The following LSAMP variants were observed in gnomAD, a reference collection of about 807,000 sequenced individuals.
LSAMP encodes the protein limbic system associated membrane protein.
Under a neutral mutation model 38.6 loss-of-function variants are expected in LSAMP, and 7 were observed. The observed-to-expected ratio is 0.18, with a 90% CI of 0.10 to 0.34. The LOEUF is 0.34. Among genes scored for constraint, LSAMP ranks in the 10% least tolerant of loss-of-function variants. LSAMP has a pLI of 1.00. For synonymous variants in LSAMP, 154 were observed against 166.8 expected, an observed-to-expected ratio of 0.92 and a Z score of 0.59; for missense variants, 313 against 420.0, an observed-to-expected ratio of 0.75 and a Z score of 2.23.
intron 1 of LSAMP, among the ~76,000 whole-genome samples, chr3:116,370,734 G>T (rs1446259245): frequency 6.6e-6 from 1 of 152,040 alleles, no homozygotes; most frequent in African/African-American, 2.4e-5. Flanking sequence ...TCCCCTCACG[G>T]GTGCAAGCTG....
intron 3 of LSAMP, among the ~76,000 whole-genome samples, chr3:115,922,577 A>G (rs1414947558): frequency 2.0e-5 from 3 of 151,910 alleles, no homozygotes; most frequent in Non-Finnish European, 4.4e-5. Flanking sequence ...GAAGATTTAT[A>G]TTGTTTCTTT....
intron 6 of LSAMP, chr3:115,816,540 A>G: frequency 3.5e-6 from 3 of 850,592 alleles, no homozygotes; most frequent in Non-Finnish European, 5.0e-6. Flanking sequence ...AAACTCAAGT[A>G]TATAAGACAA....
At chr3:115,985,007 G>T (rs1019294195) in intron 3 of LSAMP, among the ~76,000 whole-genome samples, 5 of 152,160 alleles carry the variant, frequency 3.3e-5, no homozygotes, top group Non-Finnish European at 1.5e-5. Flanking sequence ...GGGTCAGATT[G>T]TAAAGGGCCT....
At chr3:116,045,409 A>C (rs1576329847) in intron 2 of LSAMP, among the ~76,000 whole-genome samples, 1 of 152,264 alleles carries the variant, frequency 6.6e-6, no homozygotes, top group East Asian at 1.9e-4. Flanking sequence ...GTAGGGAATG[A>C]AGGCAGTAGT....
chr3:116,196,358 A>G (rs1272488775), intron 1 of LSAMP, among the ~76,000 whole-genome samples: 1 of 152,160 alleles, frequency 6.6e-6, no homozygotes, highest in South Asian at 2.1e-4. Flanking sequence ...TATTCACAGA[A>G]CCTAATACAG....
chr3:116,017,334 A>G (rs1559921681), intron 3 of LSAMP, among the ~76,000 whole-genome samples: 2 of 152,136 alleles, frequency 1.3e-5, no homozygotes, highest in Admixed American at 1.3e-4. Flanking sequence ...TCATTATTTG[A>G]TTATAACTTG....
intron 3 of LSAMP, among the ~76,000 whole-genome samples, chr3:115,958,639 C>T (rs1483721362): frequency 3.9e-5 from 6 of 152,094 alleles, no homozygotes; most frequent in South Asian, 4.2e-4. Flanking sequence ...GTTGCTTAGC[C>T]CACTGAACCC....
chr3:116,184,084 A>T (rs1710553162), intron 1 of LSAMP, among the ~76,000 whole-genome samples: 1 of 151,884 alleles, frequency 6.6e-6, no homozygotes, highest in South Asian at 2.1e-4. Flanking sequence ...CAGAAAGTAG[A>T]ATCTGGGAGA....
At chr3:115,982,810 T>C (rs1217050664) in intron 3 of LSAMP, among the ~76,000 whole-genome samples, 2 of 152,088 alleles carry the variant, frequency 1.3e-5, no homozygotes, top group African/African-American at 2.4e-5. Context: ...TTATTTTTAT[T>C]TTTAATCACT....
chr3:116,435,195 T>C (rs2049333713), intron 1 of LSAMP, among the ~76,000 whole-genome samples: 1 of 152,158 alleles, frequency 6.6e-6, no homozygotes, highest in Non-Finnish European at 1.5e-5. Context: ...ACTATAGCTT[T>C]GGTACAGAGC....
intron 1 of LSAMP, among the ~76,000 whole-genome samples, chr3:116,390,132 T>TACACACACACACAC (rs10661312): frequency 4.8e-5 from 7 of 147,260 alleles, no homozygotes; most frequent in African/African-American, 1.7e-4. Context: ...TATGTATGTA[T>TACACACACACACAC]ACACACACAC....
intron 1 of LSAMP, among the ~76,000 whole-genome samples, chr3:116,277,470 G>A (rs1322468661): frequency 6.6e-6 from 1 of 151,744 alleles, no homozygotes; most frequent in Non-Finnish European, 1.5e-5. Context: ...CCAGGTGCAC[G>A]CAATTTCTCC....
intron 1 of LSAMP, among the ~76,000 whole-genome samples, chr3:116,306,904 A>C (rs1010975642): frequency 3.9e-5 from 6 of 151,930 alleles, no homozygotes; most frequent in Non-Finnish European, 7.4e-5. Flanking sequence ...AGGCCCTTTA[A>C]ATTATAGGGT....
chr3:116,280,646 T>A (rs1312447622), intron 1 of LSAMP, among the ~76,000 whole-genome samples: 1 of 152,196 alleles, frequency 6.6e-6, no homozygotes, highest in Non-Finnish European at 1.5e-5. Context: ...ATAAACATCT[T>A]CTGAGAATGT....
At chr3:116,096,386 C>G (rs1452990575) in intron 1 of LSAMP, among the ~76,000 whole-genome samples, 1 of 152,156 alleles carries the variant, frequency 6.6e-6, no homozygotes, top group Non-Finnish European at 1.5e-5. Flanking sequence ...CCAATCTTTG[C>G]TTATTAATAG....
chr3:115,959,759 A>G (rs1450419737), intron 3 of LSAMP, among the ~76,000 whole-genome samples: 1 of 152,114 alleles, frequency 6.6e-6, no homozygotes, highest in East Asian at 1.9e-4. Context: ...CACTCACTAA[A>G]AGGTAGCTGC....
intron 1 of LSAMP, among the ~76,000 whole-genome samples, chr3:116,408,254 G>C (rs2048924336): frequency 1.3e-5 from 2 of 152,060 alleles, no homozygotes; most frequent in Admixed American, 1.3e-4. Context: ...GAATGTTACT[G>C]TAAGTAAATA....
At chr3:116,225,878 A>G (rs919956627) in intron 1 of LSAMP, among the ~76,000 whole-genome samples, 18 of 152,166 alleles carry the variant, frequency 1.2e-4, no homozygotes, top group Admixed American at 2.0e-4. Context: ...AAATAAATAA[A>G]CAATCTTACA....
At chr3:116,367,964 C>A (rs1435448754) in intron 1 of LSAMP, 1 of 152,150 alleles carries the variant, frequency 6.6e-6, no homozygotes, top group Non-Finnish European at 1.5e-5. Flanking sequence ...TGGCTCTGTG[C>A]CATCTCGAAA....
Sources: gnomAD v4.1 joint callset for allele counts (sites outside exome capture counted in the v4.1 genomes callset) on GRCh38, gnomAD v4.1.1 for gene constraint, MANE v1.5 for transcripts, NCBI Gene and HGNC (gene_info 2026-07-23, HGNC 2026-07-21) for gene names.